Variants in CDH13 observed in about 807,000 individuals in gnomAD.
CDH13 encodes the protein cadherin-13.
Under a neutral mutation model 63.8 loss-of-function variants are expected in CDH13, and 24 were observed. The ratio of observed to expected loss-of-function variants is 0.38; its 90% CI spans 0.27 to 0.53. The LOEUF is 0.53. Ranked by LOEUF, CDH13 falls within the 20% of genes least tolerant of loss-of-function variation. The pLI is 0.85. For missense variants in CDH13, 1,049 were observed against 903.1 expected, an observed-to-expected ratio of 1.16 and a Z score of -2.07; for synonymous variants, 503 against 355.3, an observed-to-expected ratio of 1.42 and a Z score of -4.67.
intron 3 of CDH13, among the ~76,000 whole-genome samples, chr16:83,068,097 C>T (rs1363415849): frequency 1.3e-5 from 2 of 152,128 alleles, no homozygotes; most frequent in Non-Finnish European, 2.9e-5. Flanking sequence ...AAACAAGGGC[C>T]CCACCTGAAA....
intron 4 of CDH13, among the ~76,000 whole-genome samples, chr16:83,212,714 G>A (rs1184324460): frequency 2.0e-5 from 3 of 152,180 alleles, no homozygotes; most frequent in Admixed American, 6.5e-5. Flanking sequence ...CAAAGCAGTG[G>A]TCTTCAAACT....
At chr16:83,468,662 C>G (rs747871967) in intron 6 of CDH13, among the ~76,000 whole-genome samples, 2 of 152,206 alleles carry the variant, frequency 1.3e-5, no homozygotes. Flanking sequence ...ACTGCTGCCT[C>G]TCTGCCTCTC....
At chr16:82,861,266 C>A (rs1376309214) in intron 2 of CDH13, among the ~76,000 whole-genome samples, 1 of 152,192 alleles carries the variant, frequency 6.6e-6, no homozygotes, top group East Asian at 1.9e-4. Context: ...ATTTGCACTT[C>A]ATATTTTTCC....
At chr16:83,428,500 G>A (rs1163118047) in intron 6 of CDH13, among the ~76,000 whole-genome samples, 1 of 151,920 alleles carries the variant, frequency 6.6e-6, no homozygotes, top group Non-Finnish European at 1.5e-5. Context: ...AAAGTGCTTC[G>A]TGGCATGGAG....
intron 1 of CDH13, among the ~76,000 whole-genome samples, chr16:82,768,231 A>G (rs2035134724): frequency 2.0e-5 from 3 of 152,200 alleles, no homozygotes. Flanking sequence ...GACAGGAATA[A>G]AGTTTCATAA....
intron 3 of CDH13, among the ~76,000 whole-genome samples, chr16:83,099,273 A>G (rs1428562589): frequency 6.6e-6 from 1 of 152,172 alleles, no homozygotes; most frequent in Middle Eastern, 3.2e-3. Context: ...GTACACACAC[A>G]CATTTTACAC....
intron 4 of CDH13, among the ~76,000 whole-genome samples, chr16:83,214,640 A>G (rs2039443123): frequency 6.7e-6 from 1 of 150,090 alleles, no homozygotes; most frequent in African/African-American, 2.4e-5. Flanking sequence ...GGATAGAGAT[A>G]CCATTCTTAC....
At chr16:83,558,332 A>G (rs930455275) in intron 7 of CDH13, among the ~76,000 whole-genome samples, 1 of 152,198 alleles carries the variant, frequency 6.6e-6, no homozygotes, top group Non-Finnish European at 1.5e-5. Context: ...AGCAGCCACA[A>G]ACATCTATGA....
chr16:83,071,154 C>A (rs1211878731), intron 3 of CDH13, among the ~76,000 whole-genome samples: 1 of 152,152 alleles, frequency 6.6e-6, no homozygotes, highest in Admixed American at 6.5e-5. Context: ...AGGAAAGTGT[C>A]ATTCTGAACA....
chr16:83,758,364 T>G (rs1013636600), intron 11 of CDH13, among the ~76,000 whole-genome samples: 6 of 152,128 alleles, frequency 3.9e-5, no homozygotes, highest in African/African-American at 1.2e-4. Flanking sequence ...AATGATATGA[T>G]CATCTCAAGA....
At chr16:83,167,691 CT>C (rs139871148) in intron 4 of CDH13, among the ~76,000 whole-genome samples, 21,157 of 147,872 alleles carry the variant, frequency 0.14, 1,801 homozygotes, top group African/African-American at 0.22. Context: ...TATTTCATTG[CT>C]TTTTTTTTTA....
At chr16:83,484,168 C>G (rs1286246088) in intron 6 of CDH13, among the ~76,000 whole-genome samples, 2 of 152,190 alleles carry the variant, frequency 1.3e-5, no homozygotes, top group African/African-American at 2.4e-5. Flanking sequence ...GACTGATACT[C>G]TGATTCCAGT....
intron 5 of CDH13, among the ~76,000 whole-genome samples, chr16:83,233,040 G>A (rs760094087): frequency 2.0e-5 from 3 of 152,282 alleles, no homozygotes; most frequent in Non-Finnish European, 2.9e-5. Flanking sequence ...ATGGAGGTCA[G>A]TGTGAACCCC....
chr16:83,378,991 C>CTATATA (rs746691777), intron 6 of CDH13, among the ~76,000 whole-genome samples: 4 of 146,240 alleles, frequency 2.7e-5, no homozygotes, highest in African/African-American at 5.1e-5. Context: ...ACACATGCAT[C>CTATATA]TATATATATA....
At chr16:83,111,002 CAAAAAAA>C (rs398030036) in intron 3 of CDH13, among the ~76,000 whole-genome samples, 4 of 106,292 alleles carry the variant, frequency 3.8e-5, no homozygotes, top group African/African-American at 7.5e-5. Flanking sequence ...TAGGTTGTTG[CAAAAAAA>C]AAAAAAAAAA....
At chr16:83,379,447 T>A (rs80115358) in intron 6 of CDH13, among the ~76,000 whole-genome samples, 1 of 152,126 alleles carries the variant, frequency 6.6e-6, no homozygotes, top group Non-Finnish European at 1.5e-5. Flanking sequence ...AGAATAGAAT[T>A]ATATATTTAT....
intron 6 of CDH13, among the ~76,000 whole-genome samples, chr16:83,369,997 C>G (rs550712758): frequency 3.9e-5 from 6 of 152,202 alleles, no homozygotes; most frequent in African/African-American, 1.4e-4. Flanking sequence ...ACAGTTGATG[C>G]CATCTGAAAC....
chr16:83,041,935 C>T (rs879856882), intron 3 of CDH13, among the ~76,000 whole-genome samples: 1 of 152,156 alleles, frequency 6.6e-6, no homozygotes, highest in Non-Finnish European at 1.5e-5. Flanking sequence ...GTGAAGTAGC[C>T]AGTAAGTTGC....
intron 1 of CDH13, among the ~76,000 whole-genome samples, chr16:82,668,975 G>A (rs61055261): frequency 0.027 from 4,081 of 152,300 alleles, 127 homozygotes; most frequent in African/African-American, 0.084. Flanking sequence ...CTGCCCCGGT[G>A]TACCTGGCAC....
Sources: gnomAD v4.1 joint callset for allele counts (sites outside exome capture counted in the v4.1 genomes callset) on GRCh38, gnomAD v4.1.1 for gene constraint, MANE v1.5 for transcripts, NCBI Gene and HGNC (gene_info 2026-07-23, HGNC 2026-07-21) for gene names.